DDIAS: variants seen among roughly 807,000 people sequenced by gnomAD.
DDIAS encodes the protein DNA damage-induced apoptosis suppressor protein.
DDIAS carries 14 observed loss-of-function variants against 15.7 expected under a neutral mutation model. The observed-to-expected ratio is 0.89, with a 90% CI of 0.59 to 1.39. The LOEUF is 1.39. Among genes scored for constraint, DDIAS ranks in the 40% most tolerant of loss-of-function variants. The pLI, the probability that DDIAS is intolerant of heterozygous loss-of-function variation, is 0.00. For missense variants in DDIAS, 1,035 were observed against 1,130.9 expected, an observed-to-expected ratio of 0.92 and a Z score of 1.22; for synonymous variants, 355 against 395.9, an observed-to-expected ratio of 0.90 and a Z score of 1.23.
intron 4 of DDIAS, among the ~76,000 whole-genome samples, chr11:82,929,362 A>T (rs1208362993): frequency 1.3e-5 from 2 of 152,216 alleles, no homozygotes; most frequent in African/African-American, 4.8e-5. Context: ...TAATTTGCAT[A>T]GTTTGACCTT....
At chr11:82,921,555 GT>G (rs1483508689) in intron 3 of DDIAS, among the ~76,000 whole-genome samples, 1 of 133,914 alleles carries the variant, frequency 7.5e-6, no homozygotes, top group African/African-American at 2.7e-5. Flanking sequence ...CCTTTTCACA[GT>G]TTTTTTCTTT....
intron 3 of DDIAS, among the ~76,000 whole-genome samples, chr11:82,918,181 C>T (rs116397792): frequency 0.049 from 7,450 of 152,050 alleles, 273 homozygotes; most frequent in African/African-American, 0.1. Context: ...CTTTTGGGTA[C>T]GCCAATGTCT....
At chr11:82,928,674 T>C (rs1590811066) in intron 3 of DDIAS, 103 bp from the exon 4 acceptor site, 1 of 1,211,492 alleles carries the variant, frequency 8.3e-7, no homozygotes, top group East Asian at 2.4e-5. Context: ...TGTAGGAGCA[T>C]TTATACACAA....
At chr11:82,926,626 G>T (rs1860868308) in intron 3 of DDIAS, among the ~76,000 whole-genome samples, 1 of 152,148 alleles carries the variant, frequency 6.6e-6, no homozygotes, top group African/African-American at 2.4e-5. Flanking sequence ...AGGTACATCT[G>T]CATCAGTATT....
At chr11:82,909,444 CT>C (rs1171435587) in intron 1 of DDIAS, 20 of 152,340 alleles carry the variant, frequency 1.3e-4, no homozygotes, top group African/African-American at 4.8e-4. Context: ...CCTTAACCGT[CT>C]GGGAATTCAG....
chr11:82,908,259 G>C (rs565185534), intron 1 of DDIAS, among the ~76,000 whole-genome samples: 1 of 152,344 alleles, frequency 6.6e-6, no homozygotes, highest in South Asian at 2.1e-4. Flanking sequence ...GGCCAGCATG[G>C]CTTGAAATAC....
At chr11:82,910,279 CTTT>C (rs71063240) in intron 1 of DDIAS, among the ~76,000 whole-genome samples, 53,685 of 129,230 alleles carry the variant, frequency 0.42, 9,190 homozygotes, top group Admixed American at 0.47. Context: ...ACAAACCAAC[CTTT>C]TTTTTTTTTT....
At chr11:82,930,662 G>T (rs1256693805) in intron 5 of DDIAS, among the ~76,000 whole-genome samples, 1 of 151,874 alleles carries the variant, frequency 6.6e-6, no homozygotes, top group Non-Finnish European at 1.5e-5. Context: ...AACACTGAAG[G>T]CAAAGTATCT....
At chr11:82,909,872 A>G (rs1368211074) in intron 1 of DDIAS, among the ~76,000 whole-genome samples, 2 of 152,150 alleles carry the variant, frequency 1.3e-5, no homozygotes, top group Non-Finnish European at 1.5e-5. Flanking sequence ...ATTTATTTAA[A>G]TTATTTATCT....
In DDIAS at chr11:82,933,476, C is replaced by T. The variant is rs768077937; in HGVS notation, c.2138C>T (p.Pro713Leu). The part of the protein sequence containing the change: ...KWGTSLAESH[P>L]SESDFSLRSL... Reference sequence around the variant, plus strand: ...GGAACATCTTTGGCAGAAAGTCACCCTTCAGAGTCTGATTTTTCACTGAGA... The same window carrying T: ...GGAACATCTTTGGCAGAAAGTCACCTTTCAGAGTCTGATTTTTCACTGAGA... Residue 713 changes from proline to leucine, a missense_variant, in exon 6 of 6, where the codon CCT becomes CTT. Coordinates refer to ENST00000533655, the MANE Select transcript of DDIAS (RefSeq NM_145018.4). 1.2e-6 allele frequency: 2 copies of T among 1,613,866 alleles called. No homozygotes were observed. Among genetic ancestry groups the T allele is most frequent in the East Asian group, 2.2e-5 (1 of 44,864 alleles).
chr11:82,927,543 T>C (rs1274059182), intron 3 of DDIAS, among the ~76,000 whole-genome samples: 2 of 151,180 alleles, frequency 1.3e-5, no homozygotes, highest in Non-Finnish European at 2.9e-5. Flanking sequence ...TTGCCACTCT[T>C]TTTTAAGATC....
rs151196760 is a variant in DDIAS at position 82,933,318 on chromosome 11, C to T, written c.1980C>T (p.Asn660=). The change falls in exon 6 of 6, where the codon AAC becomes AAT. Residue 660 remains asparagine (N), a synonymous_variant. Transcript: ENST00000533655. ...KEMPWGHINN[N]VTQSYSIGYE... ...TGCCTTGGGGACATATCAATAACAA[C>T]GTAACACAGAGCTATTCTATTGGTT... The T allele has an allele frequency of 3.2e-4, 517 of 1,613,940 alleles. No homozygotes were observed. In the African/African-American group the frequency reaches 5.8e-3, roughly 18 times the overall value.
At chr11:82,928,659 A>C (rs1860919195) in intron 3 of DDIAS, 118 bp from the exon 4 acceptor site, 2 of 961,708 alleles carry the variant, frequency 2.1e-6, no homozygotes, top group African/African-American at 3.4e-5. Flanking sequence ...GAAGAATTTG[A>C]GTTGTGTAGG....
Position 82,933,577 on chromosome 11 carries a change from A to G in DDIAS, c.2239A>G (p.Thr747Ala). 6.2e-7 allele frequency: 1 copy of G among 1,614,064 alleles called. No individual in the cohort carries two copies. Among genetic ancestry groups the G allele is most frequent in the East Asian group, 2.2e-5 (1 of 44,868 alleles). ...QSLSDSRHSR[T>A]CSPTPHFQSD... ...CCTATCTGACTCTAGGCATTCAAGA[A>G]CATGCTCTCCAACACCTCATTTTCA... The change falls in exon 6 of 6, where the codon ACA becomes GCA. Residue 747 changes from threonine to alanine, a missense_variant. Coordinates refer to ENST00000533655, the MANE Select transcript of DDIAS (RefSeq NM_145018.4).
Position 82,912,912 on chromosome 11 carries a change from G to A in DDIAS, c.-116-375G>A, listed in dbSNP as rs1357724587. Among the ~76,000 whole-genome samples the A allele has an allele frequency of 5.3e-5, 8 of 152,206 alleles. No individual in the cohort carries two copies. In the South Asian group the frequency reaches 6.2e-4, roughly 12 times the overall value. On this transcript the variant is annotated intron_variant, in intron 1 of 5. Coordinates refer to ENST00000533655, the MANE Select transcript of DDIAS (RefSeq NM_145018.4). ...CAATATTGTTGTGTCTCAGAATAGG[G>A]AGACCCAACAAGAGGGAGAGAGATG...
At chr11:82,909,524 A>G (rs1324280388) in intron 1 of DDIAS, among the ~76,000 whole-genome samples, 2 of 152,212 alleles carry the variant, frequency 1.3e-5, no homozygotes, top group Non-Finnish European at 2.9e-5. Context: ...ATTCAAACAC[A>G]TCTGACAGAA....
chr11:82,914,587 T>TA (rs1197751984), intron 2 of DDIAS, 136 bp from the exon 3 acceptor site: 1 of 517,622 alleles, frequency 1.9e-6, no homozygotes, highest in African/African-American at 2.0e-5. Flanking sequence ...AATACATTGA[T>TA]ACCACCTTCA....
intron 3 of DDIAS, among the ~76,000 whole-genome samples, chr11:82,927,335 C>T (rs1360966569): frequency 6.6e-6 from 1 of 152,176 alleles, no homozygotes; most frequent in Admixed American, 6.5e-5. Flanking sequence ...TAACCTACAG[C>T]ACAAACTCTA....
Position 82,928,832 on chromosome 11 carries a change from T to TA in DDIAS, c.170dup (p.Tyr57Ter), listed in dbSNP as rs771253627. The change falls in exon 4 of 6, where the codon TAC becomes TAAC. Residue 57 changes from tyrosine (Y) to a stop codon, truncating the protein, a stop_gained and frameshift_variant. Transcript: ENST00000533655. LOFTEE classifies it high-confidence loss of function. ...TGAATCTGGAAATGCCAATTACAGA[T>TA]ACAAACTTTCCTTAAAAGTTGCAGA... The part of the protein sequence containing the change: ...TGESGNANYR[Y>*]KLSLKVAESN... 1 of 1,613,470 alleles carries TA rather than the reference T, an allele frequency of 6.2e-7. No homozygotes were observed. The highest frequency in any genetic ancestry group is 8.5e-7 in the Non-Finnish European group (1 of 1,179,794).
Sources: gnomAD v4.1 joint callset for allele counts (sites outside exome capture counted in the v4.1 genomes callset) on GRCh38, gnomAD v4.1.1 for gene constraint, MANE v1.5 for transcripts, NCBI Gene and HGNC (gene_info 2026-07-23, HGNC 2026-07-21) for gene names.